POFUT3: variants seen among roughly 807,000 people sequenced by gnomAD.
The protein encoded by POFUT3 is GDP-fucose protein O-fucosyltransferase 3.
At chr8:33,407,557 A>G in the POFUT3 span, among the ~76,000 whole-genome samples, 10 of 152,376 alleles carry the variant, frequency 6.6e-5, no homozygotes, top group African/African-American at 2.4e-4. Flanking sequence ...TTAATAAAAT[A>G]GAAAACCAAA....
the POFUT3 span, among the ~76,000 whole-genome samples, chr8:33,422,702 T>C: frequency 1.1e-4 from 16 of 151,744 alleles, no homozygotes; most frequent in East Asian, 3.1e-3. Flanking sequence ...TGGCATGGAG[T>C]GTTCAAGTCA....
chr8:33,423,826 AAAAAAAAAAAAAAAAAAAAGAGCC>A, the POFUT3 span, among the ~76,000 whole-genome samples: 19 of 145,352 alleles, frequency 1.3e-4, no homozygotes, highest in South Asian at 3.8e-3. Flanking sequence ...AGTAAAAAAA[AAAAAAAAAAAAAAAAAAAAGAGCC>A]ATTACTGGGC....
chr8:33,460,989 T>A, the POFUT3 span, among the ~76,000 whole-genome samples: 14 of 152,070 alleles, frequency 9.2e-5, no homozygotes, highest in African/African-American at 3.1e-4. Flanking sequence ...CACATCTCTA[T>A]TAATAATACA....
chr8:33,369,039 A>G, the POFUT3 span, among the ~76,000 whole-genome samples: 1 of 152,216 alleles, frequency 6.6e-6, no homozygotes, highest in African/African-American at 2.4e-5. Flanking sequence ...ATAAATGTGT[A>G]CCACCCCAGG....
At chr8:33,322,242 C>T in the POFUT3 span, among the ~76,000 whole-genome samples, 1 of 152,068 alleles carries the variant, frequency 6.6e-6, no homozygotes, top group Non-Finnish European at 1.5e-5. Flanking sequence ...GTCCTGAGCC[C>T]ACTTTTTCTG....
the POFUT3 span, among the ~76,000 whole-genome samples, chr8:33,390,723 C>T: frequency 5.3e-5 from 8 of 152,018 alleles, no homozygotes; most frequent in Non-Finnish European, 1.0e-4. Flanking sequence ...CACTATGTTA[C>T]AGACCACTGC....
the POFUT3 span, among the ~76,000 whole-genome samples, chr8:33,429,143 C>T: frequency 2.0e-5 from 3 of 152,048 alleles, no homozygotes; most frequent in African/African-American, 7.2e-5. Context: ...TTTCCTTTTA[C>T]AAATAAGAAA....
At chr8:33,392,858 C>T in the POFUT3 span, among the ~76,000 whole-genome samples, 1 of 151,952 alleles carries the variant, frequency 6.6e-6, no homozygotes, top group Non-Finnish European at 1.5e-5. Flanking sequence ...GTGGTGCATG[C>T]CTATAATCCC....
the POFUT3 span, among the ~76,000 whole-genome samples, chr8:33,442,046 T>G: frequency 6.6e-6 from 1 of 151,798 alleles, no homozygotes; most frequent in Admixed American, 6.6e-5. Flanking sequence ...GCCTCCTGGA[T>G]TCAAGCGATT....
the POFUT3 span, among the ~76,000 whole-genome samples, chr8:33,374,625 A>T: frequency 6.6e-6 from 1 of 152,190 alleles, no homozygotes; most frequent in South Asian, 2.1e-4. Flanking sequence ...TGAATTTCTT[A>T]TTGGTGACAA....
At chr8:33,388,424 C>T in the POFUT3 span, among the ~76,000 whole-genome samples, 1 of 147,458 alleles carries the variant, frequency 6.8e-6, no homozygotes, top group Non-Finnish European at 1.5e-5. Context: ...GCAACCTCTG[C>T]ATCCTGGATT....
chr8:33,358,172 G>A, the POFUT3 span, among the ~76,000 whole-genome samples: 1 of 152,192 alleles, frequency 6.6e-6, no homozygotes, highest in Non-Finnish European at 1.5e-5. Context: ...AGAATCACCT[G>A]AGCCCAGGAG....
chr8:33,415,364 G>C, the POFUT3 span, among the ~76,000 whole-genome samples: 1 of 152,172 alleles, frequency 6.6e-6, no homozygotes, highest in African/African-American at 2.4e-5. Context: ...GAAAGATGTG[G>C]AGCTGGTGGA....
the POFUT3 span, among the ~76,000 whole-genome samples, chr8:33,316,846 C>T: frequency 6.6e-6 from 1 of 152,058 alleles, no homozygotes; most frequent in African/African-American, 2.4e-5. Context: ...GTTCTCTTCC[C>T]ATATTTCTCA....
chr8:33,320,611 C>T, the POFUT3 span, among the ~76,000 whole-genome samples: 4 of 152,060 alleles, frequency 2.6e-5, no homozygotes, highest in Non-Finnish European at 4.4e-5. Flanking sequence ...AGATCTGTCA[C>T]GTCAGATGGA....
chr8:33,410,260 C>G, the POFUT3 span, among the ~76,000 whole-genome samples: 1 of 152,174 alleles, frequency 6.6e-6, no homozygotes. Context: ...CATCCAGTGA[C>G]CCTTCCAAGG....
At chr8:33,459,888 G>A in the POFUT3 span, among the ~76,000 whole-genome samples, 262 of 152,066 alleles carry the variant, frequency 1.7e-3, 1 homozygote, top group African/African-American at 6.1e-3. Context: ...GTGAAACCCC[G>A]TCTCCACAAA....
At chr8:33,463,299 G>A in the POFUT3 span, among the ~76,000 whole-genome samples, 3 of 152,080 alleles carry the variant, frequency 2.0e-5, no homozygotes, top group African/African-American at 7.2e-5. Flanking sequence ...AAGGCAAGGA[G>A]TTCAAGACCA....
chr8:33,387,927 G>C, the POFUT3 span, among the ~76,000 whole-genome samples: 1 of 152,166 alleles, frequency 6.6e-6, no homozygotes, highest in African/African-American at 2.4e-5. Flanking sequence ...AAAAATTTCA[G>C]GAGAAGTTGA....
Sources: gnomAD v4.1 joint callset for allele counts (sites outside exome capture counted in the v4.1 genomes callset) on GRCh38, gnomAD v4.1.1 for gene constraint, MANE v1.5 for transcripts, NCBI Gene and HGNC (gene_info 2026-07-23, HGNC 2026-07-21) for gene names.